UBE2L3: variants seen among roughly 807,000 people sequenced by gnomAD.
UBE2L3 encodes ubiquitin conjugating enzyme E2 L3, also known as ubiquitin-conjugating enzyme E2 L3.
A neutral mutation model predicts 17.8 loss-of-function variants in UBE2L3; 1 was observed. That is an observed-to-expected ratio of 0.06 (90% CI 0.02 to 0.27). The LOEUF is 0.27. UBE2L3 is among the 10% of genes least tolerant of loss of function. The pLI is 1.00. For synonymous variants in UBE2L3, 44 were observed against 68.5 expected, an observed-to-expected ratio of 0.64 and a Z score of 1.76; for missense variants, 40 against 192.6, an observed-to-expected ratio of 0.21 and a Z score of 4.69.
intron 3 of UBE2L3, among the ~76,000 whole-genome samples, chr22:21,618,984 G>A (rs752163358): frequency 6.6e-6 from 1 of 152,178 alleles, no homozygotes; most frequent in Non-Finnish European, 1.5e-5. Context: ...CCCTAACGAA[G>A]TACTCAGCCT....
chr22:21,615,727 G>A (rs1374586286), intron 3 of UBE2L3, among the ~76,000 whole-genome samples: 8 of 152,112 alleles, frequency 5.3e-5, no homozygotes, highest in Admixed American at 4.6e-4. Context: ...CTCGGCACTC[G>A]TCTATCACAG....
chr22:21,575,329 G>T (rs1310051982), intron 1 of UBE2L3, among the ~76,000 whole-genome samples: 1 of 145,194 alleles, frequency 6.9e-6, no homozygotes, highest in Admixed American at 7.0e-5. Context: ...GCTCATATCC[G>T]AATCCCAGCA....
At chr22:21,561,604 T>C (rs1373150901) in intron 1 of UBE2L3, among the ~76,000 whole-genome samples, 1 of 151,908 alleles carries the variant, frequency 6.6e-6, no homozygotes, top group Admixed American at 6.6e-5. Flanking sequence ...GGGTCCAGCA[T>C]GCATCTTCCT....
upstream of UBE2L3, among the ~76,000 whole-genome samples, chr22:21,566,535 G>C (rs1176887961): frequency 6.6e-6 from 1 of 151,136 alleles, no homozygotes; most frequent in East Asian, 2.0e-4. Flanking sequence ...GCAGTGAGCT[G>C]TTATCGTGCC....
chr22:21,586,461 G>A (rs1927940073), intron 1 of UBE2L3, among the ~76,000 whole-genome samples: 1 of 151,768 alleles, frequency 6.6e-6, no homozygotes, highest in Admixed American at 6.6e-5. Context: ...GTAGAGATGA[G>A]GTTTCACCTT....
At chr22:21,575,984 G>A (rs1008401037) in intron 1 of UBE2L3, among the ~76,000 whole-genome samples, 3 of 151,996 alleles carry the variant, frequency 2.0e-5, no homozygotes, top group Non-Finnish European at 4.4e-5. Flanking sequence ...TAATATCTCA[G>A]AAATTTACCT....
chr22:21,605,418 C>T (rs1462949062), intron 2 of UBE2L3, among the ~76,000 whole-genome samples: 1 of 152,084 alleles, frequency 6.6e-6, no homozygotes, highest in Admixed American at 6.6e-5. Context: ...AGAGTTTCAC[C>T]GTGTTAGCCA....
upstream of UBE2L3, among the ~76,000 whole-genome samples, chr22:21,565,915 C>A (rs865830769): frequency 1.3e-5 from 2 of 151,466 alleles, no homozygotes; most frequent in African/African-American, 2.4e-5. Context: ...GTGGCCCCTG[C>A]TCCCCTTCTT....
intron 1 of UBE2L3, among the ~76,000 whole-genome samples, chr22:21,560,979 G>C (rs1215092145): frequency 6.6e-6 from 1 of 152,276 alleles, no homozygotes; most frequent in Non-Finnish European, 1.5e-5. Flanking sequence ...GAATGGAGTA[G>C]AAGGAAGGTG....
intron 1 of UBE2L3, among the ~76,000 whole-genome samples, chr22:21,581,775 C>T (rs1206837718): frequency 2.0e-5 from 3 of 150,440 alleles, no homozygotes; most frequent in African/African-American, 7.4e-5. Flanking sequence ...GCACTCCAAC[C>T]TGGGCAACAA....
chr22:21,610,816 T>A (rs1484540594), intron 2 of UBE2L3, 41 bp from the exon 3 acceptor site: 2 of 1,528,838 alleles, frequency 1.3e-6, no homozygotes, highest in African/African-American at 2.8e-5. Context: ...CATAGGTTTA[T>A]GAACCATGGT....
intron 1 of UBE2L3, among the ~76,000 whole-genome samples, chr22:21,560,810 T>A (rs1446928804): frequency 4.0e-5 from 6 of 150,722 alleles, no homozygotes; most frequent in Admixed American, 4.0e-4. Context: ...TTTGCCCACT[T>A]CCCAAAGGCA....
intron 1 of UBE2L3, among the ~76,000 whole-genome samples, chr22:21,568,910 G>T (rs1926799687): frequency 6.6e-6 from 1 of 152,136 alleles, no homozygotes; most frequent in Admixed American, 6.6e-5. Flanking sequence ...GGCTAGAGAG[G>T]ACATTAACTT....
At chr22:21,613,505 A>G (rs191715681) in intron 3 of UBE2L3, among the ~76,000 whole-genome samples, 83 of 152,294 alleles carry the variant, frequency 5.4e-4, no homozygotes, top group Admixed American at 1.1e-3. Flanking sequence ...CCTTCCTAGA[A>G]CATTATTATG....
At chr22:21,559,368 T>TAAAC (rs1237691284) in intron 1 of UBE2L3, among the ~76,000 whole-genome samples, 7 of 144,646 alleles carry the variant, frequency 4.8e-5, no homozygotes, top group South Asian at 2.3e-4. Flanking sequence ...AATAAATAAA[T>TAAAC]AAACAAACAA....
At chr22:21,617,037 C>T (rs1403512186) in intron 3 of UBE2L3, among the ~76,000 whole-genome samples, 6 of 151,480 alleles carry the variant, frequency 4.0e-5, no homozygotes, top group South Asian at 4.2e-4. Context: ...GGTGAAACCC[C>T]GTCTCTACTA....
intron 3 of UBE2L3, among the ~76,000 whole-genome samples, chr22:21,616,866 A>T (rs187416887): frequency 1.7e-3 from 253 of 152,000 alleles, no homozygotes; most frequent in African/African-American, 5.9e-3. Flanking sequence ...TATGAAAAGG[A>T]GGGGAAATCA....
At chr22:21,582,760 A>G (rs1601407779) in intron 1 of UBE2L3, among the ~76,000 whole-genome samples, 1 of 152,052 alleles carries the variant, frequency 6.6e-6, no homozygotes, top group Non-Finnish European at 1.5e-5. Context: ...TCCTGACCTC[A>G]GGTTCCACCT....
intron 2 of UBE2L3, among the ~76,000 whole-genome samples, chr22:21,607,848 G>C (rs1288524204): frequency 6.6e-6 from 1 of 152,156 alleles, no homozygotes; most frequent in African/African-American, 2.4e-5. Context: ...CCAGGGTCCA[G>C]CCATTGAGCT....
Sources: allele counts gnomAD v4.1 joint callset (sites outside exome capture counted in the v4.1 genomes callset), GRCh38; gene constraint gnomAD v4.1.1; transcripts MANE v1.5; gene names NCBI Gene and HGNC (gene_info 2026-07-23, HGNC 2026-07-21).